Variants in TBC1D23 observed in about 807,000 individuals in gnomAD.
The protein encoded by TBC1D23 is TBC1 domain family member 23.
TBC1D23 carries 55 observed loss-of-function variants against 91.4 expected under a neutral mutation model. The ratio of observed to expected loss-of-function variants is 0.60; its 90% CI spans 0.48 to 0.75. TBC1D23 has a LOEUF of 0.75. TBC1D23 is among the 30% of genes least tolerant of loss of function. The pLI is 0.00. For missense variants in TBC1D23, 725 were observed against 836.1 expected (o/e 0.87, Z 1.64); for synonymous variants, 289 against 281.0 (o/e 1.03, Z -0.28).
intron 15 of TBC1D23, among the ~76,000 whole-genome samples, chr3:100,315,256 G>A (rs891778630): frequency 1.2e-4 from 18 of 148,252 alleles, no homozygotes; most frequent in Non-Finnish European, 2.2e-4. Context: ...TCTGCCTCCC[G>A]GGTTCAAGTG....
chr3:100,308,257 C>T (rs760690709), intron 13 of TBC1D23, among the ~76,000 whole-genome samples: 17 of 152,046 alleles, frequency 1.1e-4, no homozygotes, highest in Non-Finnish European at 2.1e-4. Context: ...GGGCAGATCA[C>T]GAGGTCAGGA....
In TBC1D23 at chr3:100,265,115, TATC is replaced by T. The variant is rs1179560598; in HGVS notation, c.53+4047_53+4049del. Among the ~76,000 whole-genome samples, 5 of 152,348 alleles carry T rather than the reference TATC, an allele frequency of 3.3e-5. No homozygotes were observed. In the East Asian group the frequency reaches 5.8e-4, roughly 18 times the overall value. ...CTAAAATATGTGTAATTACATGACT[TATC>T]ATTGTTCTTTAGATAATGAACTTCT... On this transcript the variant is annotated intron_variant, in intron 1 of 18. Transcript: ENST00000394144.
intron 1 of TBC1D23, among the ~76,000 whole-genome samples, chr3:100,262,451 G>T (rs1229657381): frequency 6.6e-6 from 1 of 152,108 alleles, no homozygotes; most frequent in African/African-American, 2.4e-5. Context: ...AAGGCTGGGC[G>T]CGGTGGCTCA....
At chr3:100,313,432 A>G (rs1321681718) in intron 15 of TBC1D23, among the ~76,000 whole-genome samples, 1 of 152,190 alleles carries the variant, frequency 6.6e-6, no homozygotes, top group African/African-American at 2.4e-5. Context: ...CATGGCAAAA[A>G]AAGTATAGAT....
Position 100,296,283 on chromosome 3 carries a change from AC to A in TBC1D23, c.876+10del. The A allele has an allele frequency of 1.4e-6, 2 of 1,395,530 alleles. No homozygotes were observed. Among genetic ancestry groups the A allele is most frequent in the Non-Finnish European group, 2.0e-6 (2 of 998,088 alleles). The allele number at this position is 1,395,530 out of a possible 1,614,324, so 86.4% of individuals were successfully genotyped here. A position where few individuals can be genotyped will look rare whatever the true frequency, so the allele number is the denominator to read the frequency against. On this transcript the variant is annotated intron_variant, in intron 8 of 18. Transcript: ENST00000394144. ...CCGGCTTCTTTTAGGAAGGTATAAG[AC>A]CAGAAATGACCAACTATGTTGTATT...
chr3:100,286,803 T>G (rs2067746867), intron 4 of TBC1D23, among the ~76,000 whole-genome samples: 1 of 150,852 alleles, frequency 6.6e-6, no homozygotes, highest in Non-Finnish European at 1.5e-5. Context: ...CCCTAACATA[T>G]CTTCTTCTTT....
intron 15 of TBC1D23, among the ~76,000 whole-genome samples, chr3:100,312,892 AC>A (rs1705652105): frequency 6.6e-6 from 1 of 152,010 alleles, no homozygotes; most frequent in South Asian, 2.1e-4. Context: ...AATGGCTCAC[AC>A]CTGTAATCCC....
chr3:100,317,414 T>G (rs781190962), intron 16 of TBC1D23, among the ~76,000 whole-genome samples: 3 of 152,186 alleles, frequency 2.0e-5, no homozygotes, highest in Non-Finnish European at 1.5e-5. Flanking sequence ...ACACTGGTGG[T>G]TTTCCAGGTT....
At chr3:100,313,863 A>G (rs998481256) in intron 15 of TBC1D23, among the ~76,000 whole-genome samples, 6 of 152,094 alleles carry the variant, frequency 3.9e-5, no homozygotes, top group South Asian at 2.1e-4. Flanking sequence ...ATCATTTTCT[A>G]TCTCTCATGA....
rs372009848 is a variant in TBC1D23 at position 100,318,687 on chromosome 3, G to T, written c.1688-382G>T. Among the ~76,000 whole-genome samples, 120 of 141,400 alleles carry T rather than the reference G, an allele frequency of 8.5e-4. 3 individuals carry two copies. The East Asian group carries it at 0.022, about 26-fold the overall frequency. The allele number at this position is 141,400 out of a possible 152,430, so 92.8% of individuals were successfully genotyped here. A position where few individuals can be genotyped will look rare whatever the true frequency, so the allele number is the denominator to read the frequency against. On this transcript the variant is annotated intron_variant, in intron 16 of 18. Transcript: ENST00000394144. ...CTTTTTTTTGAGACAGTCTCATTCTGTTGCCCAAGCTGGAGTGCAGTGGCG... is the reference window on the plus strand; with the variant it reads ...CTTTTTTTTGAGACAGTCTCATTCTTTTGCCCAAGCTGGAGTGCAGTGGCG...
At chr3:100,284,868 A>G (rs1438962611) in intron 4 of TBC1D23, among the ~76,000 whole-genome samples, 1 of 152,242 alleles carries the variant, frequency 6.6e-6, no homozygotes, top group Admixed American at 6.5e-5. Flanking sequence ...CTATTTGCAT[A>G]CATGAGTAAT....
At chr3:100,318,311 C>G (rs953682463) in intron 16 of TBC1D23, among the ~76,000 whole-genome samples, 1 of 151,494 alleles carries the variant, frequency 6.6e-6, no homozygotes, top group Non-Finnish European at 1.5e-5. Flanking sequence ...GGAAAATAAC[C>G]TTAAATTTTT....
chr3:100,272,120 T>G (rs1352705271), intron 1 of TBC1D23, among the ~76,000 whole-genome samples: 4 of 152,224 alleles, frequency 2.6e-5, no homozygotes, highest in African/African-American at 9.6e-5. Flanking sequence ...TTTTATATCT[T>G]TTAAGTTACT....
chr3:100,302,862 A>T (rs1206667541), intron 11 of TBC1D23, among the ~76,000 whole-genome samples: 1 of 152,246 alleles, frequency 6.6e-6, no homozygotes, highest in Admixed American at 6.5e-5. Flanking sequence ...TGCTGGAATT[A>T]CAGGCATGAG....
chr3:100,275,298 G>T (rs907732572), intron 1 of TBC1D23, among the ~76,000 whole-genome samples: 1 of 150,410 alleles, frequency 6.6e-6, no homozygotes, highest in Admixed American at 6.6e-5. Flanking sequence ...TCTGTAGCCT[G>T]TTTTTTGAGA....
chr3:100,270,642 G>A (rs976121595), intron 1 of TBC1D23, among the ~76,000 whole-genome samples: 1 of 152,116 alleles, frequency 6.6e-6, no homozygotes, highest in African/African-American at 2.4e-5. Flanking sequence ...AGGTTTCTGA[G>A]TTCATTTGTT....
At chr3:100,271,980 T>A (rs540860167) in intron 1 of TBC1D23, among the ~76,000 whole-genome samples, 1 of 152,336 alleles carries the variant, frequency 6.6e-6, no homozygotes, top group East Asian at 1.9e-4. Context: ...TGAAGCCACA[T>A]GAAGGCTTTT....
chr3:100,319,297 A>C, intron 17 of TBC1D23, 93 bp downstream of exon 17: 1 of 1,006,084 alleles, frequency 9.9e-7, no homozygotes, highest in Non-Finnish European at 1.5e-6. Context: ...TATTTATCCT[A>C]GTACAATAAG....
At chr3:100,310,252 AC>A in intron 13 of TBC1D23, 150 bp from the exon 14 acceptor site, 1 of 692,804 alleles carries the variant, frequency 1.4e-6, no homozygotes, top group Middle Eastern at 4.1e-4. Flanking sequence ...GTCTCCAAAT[AC>A]AGTCACATTC....
Sources: gnomAD v4.1 joint callset for allele counts (sites outside exome capture counted in the v4.1 genomes callset) on GRCh38, gnomAD v4.1.1 for gene constraint, MANE v1.5 for transcripts, NCBI Gene and HGNC (gene_info 2026-07-23, HGNC 2026-07-21) for gene names.